ANKRD44: variants seen among roughly 807,000 people sequenced by gnomAD.
ANKRD44 encodes ankyrin repeat domain 44.
In ANKRD44, 35 loss-of-function variants were observed where a neutral mutation model predicts 116.0. That is an observed-to-expected ratio of 0.30 (90% confidence interval 0.23 to 0.40). ANKRD44 has a LOEUF of 0.40. Ranked by LOEUF, ANKRD44 falls within the 10% of genes least tolerant of loss-of-function variation. The pLI, the probability that ANKRD44 is intolerant of heterozygous loss-of-function variation, is 1.00. For synonymous variants in ANKRD44, 435 were observed against 461.8 expected, an observed-to-expected ratio of 0.94 and a Z score of 0.74; for missense variants, 1,014 against 1,242.6, an observed-to-expected ratio of 0.82 and a Z score of 2.77.
chr2:197,122,144 T>C (rs1211917672), intron 7 of ANKRD44, among the ~76,000 whole-genome samples: 2 of 152,102 alleles, frequency 1.3e-5, no homozygotes, highest in East Asian at 1.9e-4. Context: ...GGTTTCCTCA[T>C]TATGGTTTTC....
chr2:197,297,182 G>A (rs1363211225), intron 1 of ANKRD44, among the ~76,000 whole-genome samples: 1 of 152,230 alleles, frequency 6.6e-6, no homozygotes, highest in East Asian at 1.9e-4. Context: ...AATAAACTAA[G>A]TCAATTGATT....
rs148424315 is a variant in ANKRD44 at position 196,993,803 on chromosome 2, TAAG to T, written c.2832-132_2832-130del. ...CAAATAGTACATGGATGTTTTTACT[TAAG>T]AAAAAAAAATGCTGACCAGATCTTT... On this transcript the variant is annotated intron_variant, in intron 26 of 27. Transcript: ENST00000282272. 959 of 696,288 alleles carry T rather than the reference TAAG, an allele frequency of 1.4e-3. 8 individuals carry two copies. In the African/African-American group the frequency reaches 0.016, roughly 12 times the overall value. The allele number at this position is 696,288 out of a possible 1,614,324, so 43.1% of individuals were successfully genotyped here.
At chr2:197,132,008 A>G (rs1329890511) in intron 4 of ANKRD44, among the ~76,000 whole-genome samples, 1 of 152,208 alleles carries the variant, frequency 6.6e-6, no homozygotes, top group South Asian at 2.1e-4. Context: ...GGCAGCCCCA[A>G]TTCTTGCTTA....
At chr2:197,237,779 C>A (rs1238015834) in intron 1 of ANKRD44, among the ~76,000 whole-genome samples, 1 of 152,190 alleles carries the variant, frequency 6.6e-6, no homozygotes, top group Admixed American at 6.5e-5. Flanking sequence ...ATAATTTTGT[C>A]ATGAAAGGGA....
intron 1 of ANKRD44, among the ~76,000 whole-genome samples, chr2:197,215,947 TTGATTAA>T (rs2081432580): frequency 6.6e-6 from 1 of 152,214 alleles, no homozygotes; most frequent in South Asian, 2.1e-4. Flanking sequence ...CTTCACAACC[TTGATTAA>T]CAGCAGCATC....
chr2:197,045,542 C>T (rs62279184), intron 16 of ANKRD44, among the ~76,000 whole-genome samples: 22,489 of 151,042 alleles, frequency 0.15, 1,992 homozygotes, highest in Admixed American at 0.19. Context: ...GTTATTCACT[C>T]ATAGCCTAAA....
intron 16 of ANKRD44, among the ~76,000 whole-genome samples, chr2:197,046,262 A>C (rs1427255693): frequency 1.3e-5 from 2 of 152,150 alleles, no homozygotes; most frequent in Admixed American, 6.5e-5. Flanking sequence ...AATCTTTATG[A>C]ATATTCACGA....
At chr2:197,204,155 G>A (rs2579408) in intron 1 of ANKRD44, among the ~76,000 whole-genome samples, 144,614 of 152,220 alleles carry the variant, frequency 0.95, 68,773 homozygotes, top group East Asian at 1. Context: ...ATTAAAATTG[G>A]CCTTTTGAGG....
chr2:197,122,833 AGG>A (rs2078888497), intron 6 of ANKRD44, 41 bp from the exon 7 acceptor site: 1 of 1,595,466 alleles, frequency 6.3e-7, no homozygotes, highest in Non-Finnish European at 8.5e-7. Context: ...TAACCTTTAT[AGG>A]ACAATTTGCT....
chr2:197,050,287 G>T (rs1420398683), intron 16 of ANKRD44, among the ~76,000 whole-genome samples: 4 of 152,030 alleles, frequency 2.6e-5, no homozygotes, highest in Non-Finnish European at 5.9e-5. Context: ...CTCCCACCAG[G>T]CCCCACCTCC....
intron 16 of ANKRD44, among the ~76,000 whole-genome samples, chr2:197,035,033 C>T (rs1251135463): frequency 5.3e-5 from 8 of 152,246 alleles, no homozygotes; most frequent in Non-Finnish European, 4.4e-5. Flanking sequence ...GGAGGACTCA[C>T]ATGAACAGCA....
At chr2:196,992,675 T>A (rs2075942747) in intron 27 of ANKRD44, 1 of 152,522 alleles carries the variant, frequency 6.6e-6, no homozygotes, top group African/African-American at 2.4e-5. Context: ...CCTAGATGAG[T>A]CAGGTGGGGG....
intron 1 of ANKRD44, among the ~76,000 whole-genome samples, chr2:197,242,286 A>G (rs1006375692): frequency 6.6e-6 from 1 of 152,200 alleles, no homozygotes; most frequent in Non-Finnish European, 1.5e-5. Flanking sequence ...TTTATAATAT[A>G]ATGGTATTTT....
At chr2:197,292,187 C>A (rs1167782253) in intron 1 of ANKRD44, among the ~76,000 whole-genome samples, 1 of 151,818 alleles carries the variant, frequency 6.6e-6, no homozygotes, top group South Asian at 2.1e-4. Context: ...TGGATATATA[C>A]CCAGTAATGG....
At chr2:197,000,570 T>G (rs1162106782) in intron 22 of ANKRD44, 68 bp from the exon 23 acceptor site, 2 of 1,238,448 alleles carry the variant, frequency 1.6e-6, no homozygotes, top group East Asian at 4.7e-5. Flanking sequence ...CTAACCCATC[T>G]TCCTATGTAC....
intron 19 of ANKRD44, 32 bp downstream of exon 19, chr2:197,008,912 G>T (rs1358016278): frequency 6.2e-7 from 1 of 1,602,758 alleles, no homozygotes. Context: ...TGATTGAAAT[G>T]TCAACCCAAG....
At chr2:197,054,473 C>T (rs1428264360) in intron 16 of ANKRD44, among the ~76,000 whole-genome samples, 1 of 152,106 alleles carries the variant, frequency 6.6e-6, no homozygotes, top group Non-Finnish European at 1.5e-5. Context: ...AAACATGTCC[C>T]CTTAAAATTA....
chr2:197,122,743 G>A lies in ANKRD44; in HGVS notation c.600C>T (p.Thr200=), dbSNP rs2078885659. 1 of 1,614,060 alleles carries A rather than the reference G, an allele frequency of 6.2e-7. No homozygotes were observed. The highest frequency in any genetic ancestry group is 8.5e-7 in the Non-Finnish European group (1 of 1,180,038). The change falls in exon 7 of 28, where the codon ACC becomes ACT. Residue 200 remains threonine, a synonymous_variant. Transcript: ENST00000282272. The part of the protein sequence containing the change: ...ALLINHGAEV[T]CKDKKGYTPL... ...GGGTATAACCCTTCTTATCCTTACA[G>A]GTCACTTCTGCGCCATGGTTAATGA...
chr2:196,979,554 C>CCTTTTTTTTTTTTTTT (rs2075785197), intron 21 of ANKRD44, among the ~76,000 whole-genome samples: 40 of 59,646 alleles, frequency 6.7e-4, no homozygotes, highest in African/African-American at 2.5e-3. Flanking sequence ...AATAAGATGA[C>CCTTTTTTTTTTTTTTT]TTTTTTTTTT....
Sources: allele counts gnomAD v4.1 joint callset (sites outside exome capture counted in the v4.1 genomes callset), GRCh38; gene constraint gnomAD v4.1.1; transcripts MANE v1.5; gene names NCBI Gene and HGNC (gene_info 2026-07-23, HGNC 2026-07-21).